The following DGKB variants were observed in gnomAD, a reference collection of about 807,000 sequenced individuals.
The protein encoded by DGKB is 90 kDa diacylglycerol kinase.
DGKB carries 67 observed loss-of-function variants against 114.3 expected under a neutral mutation model. The ratio of observed to expected loss-of-function variants is 0.59; its 90% CI spans 0.48 to 0.72. The LOEUF (loss-of-function observed/expected upper bound fraction) is 0.72, where lower values mean the gene tolerates loss of function less well. DGKB is among the 30% of genes least tolerant of loss of function. The pLI, the probability that DGKB is intolerant of heterozygous loss-of-function variation, is 0.00. For synonymous variants in DGKB, 398 were observed against 323.1 expected, an observed-to-expected ratio of 1.23 and a Z score of -2.49; for missense variants, 907 against 975.2, an observed-to-expected ratio of 0.93 and a Z score of 0.93.
chr7:14,394,596 C>T (rs1821937208), intron 21 of DGKB, among the ~76,000 whole-genome samples: 1 of 152,110 alleles, frequency 6.6e-6, no homozygotes, highest in African/African-American at 2.4e-5. Context: ...ACCCATCGAA[C>T]ATGAATGCCA....
In DGKB at chr7:14,178,026, A is replaced by T. The variant is rs1253525348; in HGVS notation, c.2243+5T>A. The stretch of plus-strand genomic sequence containing the variant: ...CGCCTTTGTCAGTTACAGAAAGGGA[A>T]CTACCTGATGACCACGCAGGAGCAC... On this transcript the variant is annotated splice_donor_5th_base_variant and intron_variant, in intron 24 of 25. Transcript: ENST00000402815. 6.4e-7 allele frequency: 1 copy of T among 1,552,062 alleles called. No homozygotes were observed. Among genetic ancestry groups the T allele is most frequent in the African/African-American group, 1.4e-5 (1 of 71,490 alleles).
At chr7:14,480,733 A>C (rs1226113039) in intron 20 of DGKB, among the ~76,000 whole-genome samples, 1 of 152,150 alleles carries the variant, frequency 6.6e-6, no homozygotes, top group Non-Finnish European at 1.5e-5. Context: ...TGTGACTTCA[A>C]ACAAATTATT....
intron 23 of DGKB, among the ~76,000 whole-genome samples, chr7:14,334,391 TGTGTGCGC>T (rs755730584): frequency 0.011 from 889 of 83,186 alleles, 4 homozygotes; most frequent in South Asian, 0.039. Flanking sequence ...TGTGTGTGTG[TGTGTGCGC>T]GCGCGTGTAT....
intron 20 of DGKB, among the ~76,000 whole-genome samples, chr7:14,514,728 C>T (rs973860028): frequency 6.6e-6 from 1 of 152,046 alleles, no homozygotes; most frequent in African/African-American, 2.4e-5. Flanking sequence ...GTTTCAACAA[C>T]CTTATGAGAA....
At chr7:14,804,259 C>T (rs1203818274) in intron 2 of DGKB, among the ~76,000 whole-genome samples, 1 of 151,774 alleles carries the variant, frequency 6.6e-6, no homozygotes, top group African/African-American at 2.4e-5. Flanking sequence ...CTTCTGATGT[C>T]TCTTATTGCA....
At chr7:14,491,507 G>C (rs1409397602) in intron 20 of DGKB, among the ~76,000 whole-genome samples, 3 of 152,008 alleles carry the variant, frequency 2.0e-5, no homozygotes, top group Admixed American at 1.3e-4. Context: ...TGGATTACTG[G>C]ATAATTCACT....
At chr7:14,268,487 G>A (rs73052143) in intron 23 of DGKB, among the ~76,000 whole-genome samples, 19,986 of 152,218 alleles carry the variant, frequency 0.13, 1,320 homozygotes, top group South Asian at 0.17. Flanking sequence ...AATTCAGCAG[G>A]AAGAGGTACC....
At chr7:14,198,524 G>C (rs1222335850) in intron 23 of DGKB, among the ~76,000 whole-genome samples, 1 of 151,904 alleles carries the variant, frequency 6.6e-6, no homozygotes, top group Non-Finnish European at 1.5e-5. Flanking sequence ...CACACATAAT[G>C]GGCTGCATTA....
chr7:14,899,925 C>G (rs1382808350), intron 1 of DGKB, among the ~76,000 whole-genome samples: 1 of 152,062 alleles, frequency 6.6e-6, no homozygotes, highest in East Asian at 1.9e-4. Flanking sequence ...TAAATTCTAA[C>G]CCAGCATTCA....
chr7:14,877,041 G>C (rs1853396725), intron 1 of DGKB, among the ~76,000 whole-genome samples: 1 of 152,168 alleles, frequency 6.6e-6, no homozygotes. Context: ...CACTAAATAT[G>C]TGGAAAATAC....
chr7:14,164,239 G>A (rs1784327293), intron 25 of DGKB, among the ~76,000 whole-genome samples: 1 of 152,058 alleles, frequency 6.6e-6, no homozygotes, highest in African/African-American at 2.4e-5. Flanking sequence ...ACGTTCTTCT[G>A]TTGATTTTTT....
At chr7:14,952,856 G>T (rs929397097) in intron 1 of DGKB, among the ~76,000 whole-genome samples, 2 of 152,040 alleles carry the variant, frequency 1.3e-5, no homozygotes, top group Non-Finnish European at 2.9e-5. Flanking sequence ...AGTGGTTCTG[G>T]CATGAGGATA....
At chr7:14,925,615 T>TTGG (rs1784705768) in intron 1 of DGKB, among the ~76,000 whole-genome samples, 1 of 152,294 alleles carries the variant, frequency 6.6e-6, no homozygotes, top group South Asian at 2.1e-4. Flanking sequence ...CTATACGTCT[T>TTGG]TGGTGAGATT....
At chr7:14,721,917 G>A (rs1343185209) in intron 5 of DGKB, among the ~76,000 whole-genome samples, 1 of 152,072 alleles carries the variant, frequency 6.6e-6, no homozygotes, top group Non-Finnish European at 1.5e-5. Flanking sequence ...TACAGAGATT[G>A]AACACTGCTT....
rs762483837 is a variant in DGKB at position 14,829,071 on chromosome 7, AT to A, written c.70+12122del. ...TAAATCAACTCAGATGATGTGTCTTATTGAAAGCTGACAGGTGGGTGGAAGT... is the reference window on the plus strand; with the variant it reads ...TAAATCAACTCAGATGATGTGTCTTATGAAAGCTGACAGGTGGGTGGAAGT... On this transcript the variant is annotated intron_variant, in intron 2 of 25. Transcript: ENST00000402815. Among the ~76,000 whole-genome samples, 49 of 152,268 alleles carry A rather than the reference AT, an allele frequency of 3.2e-4. 1 individual carries two copies. Among genetic ancestry groups the A allele is most frequent in the Non-Finnish European group, 4.3e-4 (29 of 68,006 alleles).
chr7:14,729,451 A>C (rs1830598671), intron 5 of DGKB, among the ~76,000 whole-genome samples: 1 of 152,194 alleles, frequency 6.6e-6, no homozygotes, highest in Non-Finnish European at 1.5e-5. Flanking sequence ...TTGAACAGTA[A>C]ATATCAATTT....
chr7:14,701,615 T>C, intron 7 of DGKB, 66 bp downstream of exon 7: 8 of 1,135,342 alleles, frequency 7.0e-6, no homozygotes, highest in Non-Finnish European at 1.1e-5. Context: ...ACTACAAATT[T>C]ATTCATTGCA....
chr7:14,736,177 A>G lies in DGKB; in HGVS notation c.186T>C (p.Gly62=). The G allele has an allele frequency of 6.3e-7, 1 of 1,578,732 alleles. No homozygotes were observed. The highest frequency in any genetic ancestry group is 8.6e-7 in the Non-Finnish European group (1 of 1,162,302). ...GGAATGTCTTCATGAATAGTTTGAA[A>G]CCTTCAAAATCTATTGTCTGGAAAA... is the stretch of plus-strand genomic sequence containing the variant. ...DILNQTIDFE[G]FKLFMKTFLE... The change falls in exon 5 of 26, where the codon GGT becomes GGC. Residue 62 remains glycine, a synonymous_variant. Transcript: ENST00000402815.
chr7:14,406,142 T>C (rs1823895226), intron 21 of DGKB, among the ~76,000 whole-genome samples: 1 of 151,976 alleles, frequency 6.6e-6, no homozygotes, highest in African/African-American at 2.4e-5. Context: ...CCTTGAAAAT[T>C]TCCCTTAATC....
Sources: gnomAD v4.1 joint callset for allele counts (sites outside exome capture counted in the v4.1 genomes callset) on GRCh38, gnomAD v4.1.1 for gene constraint, MANE v1.5 for transcripts, NCBI Gene and HGNC (gene_info 2026-07-23, HGNC 2026-07-21) for gene names.